RBFOX1: variants seen among roughly 807,000 people sequenced by gnomAD.
RBFOX1 encodes the protein RNA binding fox-1 homolog 1, also known as RNA binding protein fox-1 homolog 1.
A neutral mutation model predicts 57.7 loss-of-function variants in RBFOX1; 8 were observed. The observed-to-expected ratio is 0.14, with a 90% CI of 0.08 to 0.25. RBFOX1 has a LOEUF of 0.25. Among genes scored for constraint, RBFOX1 ranks in the 10% least tolerant of loss-of-function variants. The probability of loss-of-function intolerance (pLI) is 1.00; values close to 1 mark genes in which losing one functional copy is unlikely to be tolerated. For synonymous variants in RBFOX1, 326 were observed against 222.4 expected (o/e 1.47, Z -4.15); for missense variants, 611 against 548.5 (o/e 1.11, Z -1.14).
At chr16:7,083,496 G>A (rs2059513332) in intron 4 of RBFOX1, among the ~76,000 whole-genome samples, 1 of 152,068 alleles carries the variant, frequency 6.6e-6, no homozygotes, top group African/African-American at 2.4e-5. Flanking sequence ...ATCCACTGGT[G>A]TATCAGAGGC....
At chr16:6,617,428 G>A (rs201058592) in intron 2 of RBFOX1, among the ~76,000 whole-genome samples, 4 of 151,946 alleles carry the variant, frequency 2.6e-5, no homozygotes, top group East Asian at 1.9e-4. Flanking sequence ...GACATGAGGA[G>A]GGGGTAGTTT....
chr16:6,482,020 G>A (rs1334924464), intron 2 of RBFOX1, among the ~76,000 whole-genome samples: 2 of 152,104 alleles, frequency 1.3e-5, no homozygotes, highest in African/African-American at 2.4e-5. Context: ...TTGAAATATT[G>A]CCTCTAGATA....
At chr16:6,650,372 A>G (rs2098576695) in intron 2 of RBFOX1, among the ~76,000 whole-genome samples, 1 of 152,194 alleles carries the variant, frequency 6.6e-6, no homozygotes. Flanking sequence ...GGACTGACCA[A>G]ACCACCTTGA....
At chr16:6,576,912 C>T (rs150150012) in intron 2 of RBFOX1, 1 of 152,146 alleles carries the variant, frequency 6.6e-6, no homozygotes, top group Admixed American at 6.6e-5. Flanking sequence ...TCATCCCCAG[C>T]AAAGATAAAG....
chr16:7,488,301 G>C (rs1170668719), intron 4 of RBFOX1, among the ~76,000 whole-genome samples: 1 of 152,144 alleles, frequency 6.6e-6, no homozygotes, highest in Non-Finnish European at 1.5e-5. Context: ...TTCTCACTCT[G>C]CATTTTTCTC....
chr16:7,195,931 T>C (rs2086590948), intron 4 of RBFOX1, among the ~76,000 whole-genome samples: 1 of 152,114 alleles, frequency 6.6e-6, no homozygotes, highest in Admixed American at 6.6e-5. Flanking sequence ...GCCCACGTGA[T>C]ATGATTTTTT....
intron 4 of RBFOX1, among the ~76,000 whole-genome samples, chr16:7,376,632 T>A (rs921509031): frequency 1.3e-5 from 2 of 152,208 alleles, no homozygotes; most frequent in Non-Finnish European, 2.9e-5. Flanking sequence ...GTAATTATCT[T>A]GGTTTCTGGG....
At chr16:6,846,315 G>T (rs1170111673) in intron 3 of RBFOX1, among the ~76,000 whole-genome samples, 2 of 152,144 alleles carry the variant, frequency 1.3e-5, no homozygotes, top group Non-Finnish European at 2.9e-5. Context: ...ACACATCACA[G>T]ACTCACTCAA....
chr16:5,360,870 G>A (rs1016960525), intron 1 of RBFOX1, among the ~76,000 whole-genome samples: 2 of 152,126 alleles, frequency 1.3e-5, no homozygotes, highest in Non-Finnish European at 2.9e-5. Flanking sequence ...TGATCTTATA[G>A]CATGAACCTG....
chr16:6,251,255 G>C (rs923000753), intron 1 of RBFOX1, among the ~76,000 whole-genome samples: 18 of 152,274 alleles, frequency 1.2e-4, no homozygotes, highest in Middle Eastern at 3.4e-3. Flanking sequence ...ACAAACCCCA[G>C]AGAGTGAGAG....
At chr16:5,720,198 T>C (rs1209835386) in intron 3 of RBFOX1, among the ~76,000 whole-genome samples, 1 of 152,228 alleles carries the variant, frequency 6.6e-6, no homozygotes, top group East Asian at 1.9e-4. Flanking sequence ...TGTGTGTGCT[T>C]ACTGGTCATT....
chr16:6,657,296 T>C (rs932405919), intron 3 of RBFOX1, among the ~76,000 whole-genome samples: 2 of 152,184 alleles, frequency 1.3e-5, no homozygotes, highest in Non-Finnish European at 2.9e-5. Context: ...TTTCTCTGTT[T>C]CTAACAATTG....
At chr16:5,877,961 C>T (rs563851689) in intron 4 of RBFOX1, among the ~76,000 whole-genome samples, 4 of 152,286 alleles carry the variant, frequency 2.6e-5, no homozygotes, top group South Asian at 2.1e-4. Context: ...TCCAGTGTCT[C>T]GGCTCCACCT....
chr16:7,167,328 G>C (rs2079774268), intron 4 of RBFOX1, among the ~76,000 whole-genome samples: 1 of 151,902 alleles, frequency 6.6e-6, no homozygotes. Context: ...AGGATCTCTA[G>C]GTGAAATCAT....
chr16:7,110,480 TC>T (rs1180729568), intron 4 of RBFOX1, among the ~76,000 whole-genome samples: 1 of 152,140 alleles, frequency 6.6e-6, no homozygotes, highest in East Asian at 1.9e-4. Context: ...AACACAGGGC[TC>T]CGGCTTAAGG....
chr16:5,618,821 C>A (rs1477058253), intron 3 of RBFOX1, among the ~76,000 whole-genome samples: 1 of 152,160 alleles, frequency 6.6e-6, no homozygotes, highest in East Asian at 1.9e-4. Flanking sequence ...TAAAAGGCAA[C>A]CTTCAATGTG....
intron 1 of RBFOX1, among the ~76,000 whole-genome samples, chr16:5,455,716 T>A (rs558711915): frequency 6.6e-5 from 10 of 152,318 alleles, no homozygotes; most frequent in African/African-American, 1.9e-4. Context: ...GCGGTCACTT[T>A]CATTCTCTTT....
At chr16:7,610,109 C>T (rs1277543761) in intron 10 of RBFOX1, among the ~76,000 whole-genome samples, 12 of 99,620 alleles carry the variant, frequency 1.2e-4, no homozygotes, top group African/African-American at 5.7e-4. Context: ...AGCCACTGCG[C>T]CCGGCCCCCT....
At chr16:6,856,121 C>A (rs976405617) in intron 3 of RBFOX1, among the ~76,000 whole-genome samples, 1 of 151,652 alleles carries the variant, frequency 6.6e-6, no homozygotes, top group Non-Finnish European at 1.5e-5. Flanking sequence ...CTTCCCTTTC[C>A]TTCCCTTCCC....
Sources: allele counts gnomAD v4.1 joint callset (sites outside exome capture counted in the v4.1 genomes callset), GRCh38; gene constraint gnomAD v4.1.1; transcripts MANE v1.5; gene names NCBI Gene and HGNC (gene_info 2026-07-23, HGNC 2026-07-21).